RBMS3: variants seen among roughly 807,000 people sequenced by gnomAD.
RBMS3 encodes RNA binding motif single stranded interacting protein 3.
Under a neutral mutation model 66.8 loss-of-function variants are expected in RBMS3, and 27 were observed. The ratio of observed to expected loss-of-function variants is 0.40; its 90% CI spans 0.30 to 0.56. The LOEUF (loss-of-function observed/expected upper bound fraction) is 0.56, where lower values mean the gene tolerates loss of function less well. Among genes scored for constraint, RBMS3 ranks in the 20% least tolerant of loss-of-function variants. RBMS3 has a pLI of 0.40. For synonymous variants in RBMS3, 188 were observed against 183.0 expected, an observed-to-expected ratio of 1.03 and a Z score of -0.22; for missense variants, 513 against 549.5, an observed-to-expected ratio of 0.93 and a Z score of 0.66.
chr3:29,836,688 T>C lies in RBMS3; in HGVS notation c.638-32170T>C, dbSNP rs926481871. Among the ~76,000 whole-genome samples the C allele has an allele frequency of 3.3e-5, 5 of 151,864 alleles. No individual in the cohort carries two copies. In the East Asian group the frequency reaches 9.6e-4, roughly 29 times the overall value. Reference sequence around the variant, plus strand: ...TTGGATACTTGAAATTTGCTGAGAATGTAGATTTTTCATATCCTTACAACA... The same window carrying C: ...TTGGATACTTGAAATTTGCTGAGAACGTAGATTTTTCATATCCTTACAACA... On this transcript the variant is annotated intron_variant, in intron 6 of 14. Coordinates refer to ENST00000383767, the MANE Select transcript of RBMS3 (RefSeq NM_001003793.3).
At chr3:29,306,259 G>A (rs192476174) in intron 1 of RBMS3, among the ~76,000 whole-genome samples, 1 of 152,020 alleles carries the variant, frequency 6.6e-6, no homozygotes, top group Admixed American at 6.6e-5. Flanking sequence ...TGGACCCAAG[G>A]TGGACTCTTG....
chr3:29,929,282 A>G (rs2061041035), intron 10 of RBMS3, among the ~76,000 whole-genome samples: 1 of 152,224 alleles, frequency 6.6e-6, no homozygotes, highest in African/African-American at 2.4e-5. Flanking sequence ...TAAAGAAGCT[A>G]CTGAAAACAC....
intron 1 of RBMS3, among the ~76,000 whole-genome samples, chr3:29,393,397 G>A (rs567949728): frequency 6.6e-6 from 1 of 152,160 alleles, no homozygotes; most frequent in Non-Finnish European, 1.5e-5. Flanking sequence ...TTCTGGCAGC[G>A]ATGGCTTAAG....
Position 29,365,753 on chromosome 3 carries a change from G to A in RBMS3, c.76-68990G>A, listed in dbSNP as rs192195459. 4.6e-5 allele frequency among the ~76,000 whole-genome samples: 7 copies of A among 152,228 alleles called. No homozygotes were observed. In the East Asian group the frequency reaches 1.4e-3, roughly 29 times the overall value. On this transcript the variant is annotated intron_variant, in intron 1 of 14. Transcript: ENST00000383767. ...CGTTAGGTACATGCAAATGTCTACT[G>A]TATTTCCTCTGTTACTGAATGGAAA...
chr3:29,480,837 A>G (rs17724624), intron 2 of RBMS3, among the ~76,000 whole-genome samples: 6,402 of 152,290 alleles, frequency 0.042, 173 homozygotes, highest in Admixed American at 0.097. Flanking sequence ...AAGCATGTAC[A>G]TTTCAGAGAA....
chr3:29,950,276 G>GAA (rs1577229402), intron 12 of RBMS3, among the ~76,000 whole-genome samples: 1 of 151,854 alleles, frequency 6.6e-6, no homozygotes, highest in South Asian at 2.1e-4. Context: ...TTCTGCAGTA[G>GAA]AATTTTTCAG....
chr3:29,902,177 C>A (rs902516081), intron 10 of RBMS3, among the ~76,000 whole-genome samples: 2 of 151,814 alleles, frequency 1.3e-5, no homozygotes, highest in African/African-American at 4.8e-5. Context: ...TTCTGAGCCA[C>A]AGTTTCTCAT....
intron 12 of RBMS3, among the ~76,000 whole-genome samples, chr3:29,983,305 G>T (rs1041749665): frequency 1.4e-5 from 2 of 146,818 alleles, no homozygotes; most frequent in African/African-American, 5.0e-5. Flanking sequence ...GAGCCTATGT[G>T]TGTCTTTGCA....
intron 3 of RBMS3, among the ~76,000 whole-genome samples, chr3:29,572,060 A>G (rs2046969998): frequency 6.6e-6 from 1 of 151,752 alleles, no homozygotes; most frequent in South Asian, 2.1e-4. Flanking sequence ...TACTTTTTAA[A>G]TTTCTTTTTC....
rs1254287378 is a variant in RBMS3 at position 29,281,752 on chromosome 3, C to T, written c.71C>T (p.Thr24Ile). The change falls in exon 1 of 15, where the codon ACC becomes ATC. Residue 24 changes from threonine (T) to isoleucine (I), a missense_variant. By Grantham distance (89) the Thr-to-Ile change is moderately conservative. Transcript: ENST00000383767. ...YTYYYPHYLQ[T>I]KQSYAPAPHP... The stretch of plus-strand genomic sequence containing the variant: ...TACTACTATCCTCATTATCTCCAAA[C>T]CAAGGTATGGCTTGACCCACGGTCT... The T allele has an allele frequency of 1.9e-6, 3 of 1,612,006 alleles. No homozygotes were observed.
chr3:29,938,106 G>A (rs1157422654), intron 11 of RBMS3, among the ~76,000 whole-genome samples: 1 of 151,756 alleles, frequency 6.6e-6, no homozygotes. Context: ...AGAAATATAA[G>A]AGCTAGTTAA....
At chr3:29,941,618 G>A (rs746672979) in intron 11 of RBMS3, among the ~76,000 whole-genome samples, 4 of 151,732 alleles carry the variant, frequency 2.6e-5, no homozygotes, top group Non-Finnish European at 5.9e-5. Flanking sequence ...AAGTCTAGTA[G>A]TACGAGTGTG....
chr3:29,527,187 A>T (rs932301644), intron 3 of RBMS3, among the ~76,000 whole-genome samples: 711 of 68,476 alleles, frequency 0.01, 18 homozygotes, highest in Non-Finnish European at 0.018. Flanking sequence ...AGAGTAAAAA[A>T]AAAAAAAAAA....
intron 4 of RBMS3, among the ~76,000 whole-genome samples, chr3:29,674,268 C>G: frequency 6.6e-6 from 1 of 152,074 alleles, no homozygotes; most frequent in East Asian, 1.9e-4. Flanking sequence ...ATGATAAGAG[C>G]TATTTATAAC....
chr3:29,488,401 G>T (rs2043402207), intron 2 of RBMS3, 40 bp from the exon 3 acceptor site: 1 of 1,533,018 alleles, frequency 6.5e-7, no homozygotes, highest in Non-Finnish European at 9.0e-7. Flanking sequence ...TCTTCAATGG[G>T]TTACAATAAC....
At chr3:29,948,486 A>G (rs564888115) in intron 12 of RBMS3, among the ~76,000 whole-genome samples, 1 of 151,824 alleles carries the variant, frequency 6.6e-6, no homozygotes, top group African/African-American at 2.4e-5. Context: ...TCAAAGAACA[A>G]GGAGAACAAG....
chr3:29,994,431 G>A (rs1699084489), intron 14 of RBMS3, among the ~76,000 whole-genome samples: 1 of 152,228 alleles, frequency 6.6e-6, no homozygotes, highest in East Asian at 1.9e-4. Flanking sequence ...GCCCACCACA[G>A]CTCAAGGAGG....
intron 4 of RBMS3, among the ~76,000 whole-genome samples, chr3:29,623,553 C>T (rs1317188410): frequency 6.7e-6 from 1 of 149,112 alleles, no homozygotes; most frequent in Non-Finnish European, 1.5e-5. Flanking sequence ...GAGATCACAC[C>T]ACTGCACTCC....
At chr3:29,289,030 T>G (rs2032598332) in intron 1 of RBMS3, among the ~76,000 whole-genome samples, 1 of 152,016 alleles carries the variant, frequency 6.6e-6, no homozygotes, top group South Asian at 2.1e-4. Context: ...AATCATACAT[T>G]ATTTTCATAT....
Sources: gnomAD v4.1 joint callset for allele counts (sites outside exome capture counted in the v4.1 genomes callset) on GRCh38, gnomAD v4.1.1 for gene constraint, MANE v1.5 for transcripts, NCBI Gene and HGNC (gene_info 2026-07-23, HGNC 2026-07-21) for gene names.